Variants in SOX5 observed in about 807,000 individuals in gnomAD.
SOX5 encodes the protein transcription factor SOX-5.
A neutral mutation model predicts 92.0 loss-of-function variants in SOX5; 9 were observed. The ratio of observed to expected loss-of-function variants is 0.10; its 90% CI spans 0.06 to 0.17. SOX5 has a LOEUF of 0.17. Ranked by LOEUF, SOX5 falls within the 10% of genes least tolerant of loss-of-function variation. The pLI, the probability that SOX5 is intolerant of heterozygous loss-of-function variation, is 1.00. For synonymous variants in SOX5, 344 were observed against 336.3 expected, an observed-to-expected ratio of 1.02 and a Z score of -0.25; for missense variants, 642 against 944.5, an observed-to-expected ratio of 0.68 and a Z score of 4.20.
At chr12:23,612,368 T>C (rs1342780477) in intron 8 of SOX5, among the ~76,000 whole-genome samples, 1 of 152,034 alleles carries the variant, frequency 6.6e-6, no homozygotes, top group Non-Finnish European at 1.5e-5. Flanking sequence ...ACCCCAAGAG[T>C]TTAAGTAGGC....
chr12:24,506,992 T>G (rs7135095), intron 1 of SOX5, among the ~76,000 whole-genome samples: 6,981 of 151,312 alleles, frequency 0.046, 472 homozygotes, highest in African/African-American at 0.14. Context: ...GGGTTTCACC[T>G]TGTTAGCCAG....
At chr12:24,317,887 G>A (rs969507498) in intron 2 of SOX5, among the ~76,000 whole-genome samples, 3 of 151,952 alleles carry the variant, frequency 2.0e-5, no homozygotes, top group Admixed American at 1.3e-4. Flanking sequence ...TCCAATATTC[G>A]CTCTTCCCTT....
chr12:23,973,748 G>A (rs1458246640), intron 4 of SOX5, among the ~76,000 whole-genome samples: 1 of 152,170 alleles, frequency 6.6e-6, no homozygotes, highest in African/African-American at 2.4e-5. Context: ...GAGGTGAGCG[G>A]CAAACGAGTG....
At chr12:23,921,229 G>T (rs1938165272) in intron 1 of SOX5, among the ~76,000 whole-genome samples, 1 of 152,104 alleles carries the variant, frequency 6.6e-6, no homozygotes, top group Non-Finnish European at 1.5e-5. Flanking sequence ...GTCTGATCAT[G>T]ATTAAATACG....
At chr12:23,714,327 T>C (rs1016738812) in intron 6 of SOX5, among the ~76,000 whole-genome samples, 12 of 152,306 alleles carry the variant, frequency 7.9e-5, no homozygotes, top group African/African-American at 2.6e-4. Context: ...TTTAACAGTA[T>C]GTCTACACTT....
intron 2 of SOX5, among the ~76,000 whole-genome samples, chr12:23,888,673 C>G (rs919363252): frequency 6.6e-6 from 1 of 152,104 alleles, no homozygotes; most frequent in Admixed American, 6.5e-5. Context: ...TCCTGCTAGC[C>G]CTGGGGGTAA....
intron 1 of SOX5, among the ~76,000 whole-genome samples, chr12:23,948,865 T>C (rs1336645620): frequency 1.3e-5 from 2 of 152,144 alleles, no homozygotes; most frequent in Non-Finnish European, 2.9e-5. Context: ...ATTCCCATCA[T>C]AGCAAAAGGG....
At chr12:24,189,657 G>A (rs777665809) in intron 4 of SOX5, among the ~76,000 whole-genome samples, 2 of 152,162 alleles carry the variant, frequency 1.3e-5, no homozygotes, top group Admixed American at 6.5e-5. Context: ...ATAAATAGCT[G>A]TTGTTTTTTA....
chr12:24,337,418 G>A (rs1952035807), intron 2 of SOX5, among the ~76,000 whole-genome samples: 1 of 150,508 alleles, frequency 6.6e-6, no homozygotes, highest in Non-Finnish European at 1.5e-5. Flanking sequence ...TTGGTTCACT[G>A]CAACCTCTGC....
At chr12:24,248,263 T>G (rs1939291886) in intron 3 of SOX5, among the ~76,000 whole-genome samples, 1 of 152,158 alleles carries the variant, frequency 6.6e-6, no homozygotes, top group Non-Finnish European at 1.5e-5. Context: ...GAGGGAAAAT[T>G]CATAGGGTGG....
intron 3 of SOX5, among the ~76,000 whole-genome samples, chr12:23,788,778 T>C (rs1012241261): frequency 7.9e-5 from 12 of 151,974 alleles, no homozygotes; most frequent in Non-Finnish European, 1.8e-4. Flanking sequence ...AGTAATTTCA[T>C]ATTAATCAAT....
intron 4 of SOX5, among the ~76,000 whole-genome samples, chr12:24,003,680 C>T (rs1324112092): frequency 6.6e-6 from 1 of 151,520 alleles, no homozygotes. Flanking sequence ...ATTCCATGTT[C>T]ATAGACTGTA....
At chr12:23,602,630 C>T (rs576857200) in intron 9 of SOX5, among the ~76,000 whole-genome samples, 6 of 151,932 alleles carry the variant, frequency 3.9e-5, no homozygotes, top group South Asian at 2.1e-4. Flanking sequence ...AGCCTCATTA[C>T]GAAACATGAT....
At chr12:23,799,138 A>G (rs922302905) in intron 3 of SOX5, among the ~76,000 whole-genome samples, 1 of 151,928 alleles carries the variant, frequency 6.6e-6, no homozygotes, top group Non-Finnish European at 1.5e-5. Context: ...TATTTTGGTG[A>G]TATCAGCCAT....
chr12:23,918,745 C>T (rs2097446517), intron 1 of SOX5, among the ~76,000 whole-genome samples: 1 of 151,640 alleles, frequency 6.6e-6, no homozygotes, highest in Non-Finnish European at 1.5e-5. Context: ...GGTGAAACCC[C>T]GTCTCTACTG....
chr12:24,299,887 T>C (rs1172920599), intron 2 of SOX5, among the ~76,000 whole-genome samples: 2 of 152,112 alleles, frequency 1.3e-5, no homozygotes, highest in Non-Finnish European at 2.9e-5. Context: ...CTTACCATGC[T>C]CTCTGTGTGA....
chr12:24,179,274 T>G (rs1203829092), intron 4 of SOX5, among the ~76,000 whole-genome samples: 1 of 152,204 alleles, frequency 6.6e-6, no homozygotes, highest in Non-Finnish European at 1.5e-5. Flanking sequence ...AAAGGTGCCC[T>G]GGTATGTTAC....
At chr12:24,515,894 T>C (rs1253363432) in intron 1 of SOX5, among the ~76,000 whole-genome samples, 2 of 152,188 alleles carry the variant, frequency 1.3e-5, no homozygotes, top group Non-Finnish European at 2.9e-5. Context: ...TTAAACTCAC[T>C]TTAAGAGGTT....
chr12:23,848,891 T>A (rs964574902), intron 2 of SOX5, among the ~76,000 whole-genome samples: 66 of 152,214 alleles, frequency 4.3e-4, no homozygotes, highest in African/African-American at 1.5e-3. Context: ...AAGTTGATAA[T>A]CTTCCTTTGT....
Sources: gnomAD v4.1 joint callset for allele counts (sites outside exome capture counted in the v4.1 genomes callset) on GRCh38, gnomAD v4.1.1 for gene constraint, MANE v1.5 for transcripts, NCBI Gene and HGNC (gene_info 2026-07-23, HGNC 2026-07-21) for gene names.